Variants in KCNT2 observed in about 807,000 individuals in gnomAD.
KCNT2 encodes potassium sodium-activated channel subfamily T member 2.
In KCNT2, 67 loss-of-function variants were observed where a neutral mutation model predicts 153.8. The ratio of observed to expected loss-of-function variants is 0.44; its 90% CI spans 0.36 to 0.53. The LOEUF is 0.53. KCNT2 is among the 20% of genes least tolerant of loss of function. The pLI is 0.00. For synonymous variants in KCNT2, 500 were observed against 458.8 expected (o/e 1.09, Z -1.15); for missense variants, 975 against 1,354.8 (o/e 0.72, Z 4.40).
At chr1:196,236,798 C>T (rs1220826798) in intron 26 of KCNT2, among the ~76,000 whole-genome samples, 1 of 151,490 alleles carries the variant, frequency 6.6e-6, no homozygotes, top group Non-Finnish European at 1.5e-5. Context: ...CCCTGCATTA[C>T]ATAGGACATT....
chr1:196,328,097 T>C (rs1664065448), intron 18 of KCNT2, among the ~76,000 whole-genome samples: 1 of 152,084 alleles, frequency 6.6e-6, no homozygotes. Context: ...ATGAGCACAT[T>C]TAACATGTTT....
intron 4 of KCNT2, among the ~76,000 whole-genome samples, chr1:196,479,581 A>AT (rs1005383822): frequency 6.6e-6 from 1 of 152,036 alleles, no homozygotes; most frequent in Non-Finnish European, 1.5e-5. Flanking sequence ...TCGTTTTAAA[A>AT]TTTTTTTTAA....
At chr1:196,456,629 AG>A (rs201571687) in intron 8 of KCNT2, among the ~76,000 whole-genome samples, 596 of 152,036 alleles carry the variant, frequency 3.9e-3, no homozygotes, top group African/African-American at 0.014. Flanking sequence ...AGGGGAGTAA[AG>A]TAATAGATGC....
chr1:196,274,859 G>A (rs1369794005), intron 25 of KCNT2, among the ~76,000 whole-genome samples: 1 of 151,742 alleles, frequency 6.6e-6, no homozygotes, highest in Non-Finnish European at 1.5e-5. Context: ...CTGGAAAACT[G>A]GAGGCAAACA....
rs1653518942 is a variant in KCNT2, at chr1:196,226,747, G to A, written c.*1477C>T. The A allele has an allele frequency of 6.6e-6, 1 of 151,694 alleles. No homozygotes were observed. Among genetic ancestry groups the A allele is most frequent in the Non-Finnish European group, 1.5e-5 (1 of 67,796 alleles). 9.4% of individuals were successfully genotyped at this position (151,694 alleles called of 1,614,324 possible). On this transcript the variant is annotated 3_prime_UTR_variant, in exon 28 of 28. Coordinates refer to ENST00000294725, the MANE Select transcript of KCNT2 (RefSeq NM_198503.5). ...CTTTAAAAATTTTATTATCCTTTAA[G>A]TTGATCTGCTTCATTATGAAAAGAA...
intron 8 of KCNT2, among the ~76,000 whole-genome samples, chr1:196,460,028 A>G (rs543275528): frequency 6.6e-6 from 1 of 151,794 alleles, no homozygotes; most frequent in South Asian, 2.1e-4. Context: ...TTTCTTTCTA[A>G]CAGTTTCAGT....
chr1:196,545,283 A>G (rs1454819067), intron 1 of KCNT2, among the ~76,000 whole-genome samples: 1 of 152,130 alleles, frequency 6.6e-6, no homozygotes, highest in Non-Finnish European at 1.5e-5. Context: ...ACATAATTAT[A>G]AAATTAAAAA....
chr1:196,348,199 T>C (rs1666301351), intron 14 of KCNT2, among the ~76,000 whole-genome samples: 1 of 144,782 alleles, frequency 6.9e-6, no homozygotes, highest in Admixed American at 6.7e-5. Flanking sequence ...AAATGTGTCA[T>C]TAGAATTAAA....
At chr1:196,426,736 T>C (rs1319545567) in intron 10 of KCNT2, among the ~76,000 whole-genome samples, 2 of 151,790 alleles carry the variant, frequency 1.3e-5, no homozygotes, top group Non-Finnish European at 2.9e-5. Flanking sequence ...ATGGTTTGGA[T>C]TTGCGTCCCT....
chr1:196,543,490 GA>G (rs1435527468), intron 1 of KCNT2, among the ~76,000 whole-genome samples: 6 of 152,058 alleles, frequency 3.9e-5, no homozygotes, highest in African/African-American at 1.2e-4. Context: ...AGTAGATGTA[GA>G]GGAAAAGAAA....
chr1:196,563,227 T>G (rs937597677), intron 1 of KCNT2, among the ~76,000 whole-genome samples: 3 of 151,820 alleles, frequency 2.0e-5, no homozygotes, highest in African/African-American at 7.3e-5. Context: ...TTATTCTCTT[T>G]TAGGGGTTAG....
chr1:196,388,276 T>A (rs977285675), intron 13 of KCNT2, among the ~76,000 whole-genome samples: 1 of 151,834 alleles, frequency 6.6e-6, no homozygotes, highest in African/African-American at 2.4e-5. Context: ...TCTATCATTA[T>A]GATAATTTCA....
intron 13 of KCNT2, among the ~76,000 whole-genome samples, chr1:196,374,782 T>C (rs1293742380): frequency 6.6e-6 from 1 of 151,778 alleles, no homozygotes; most frequent in Non-Finnish European, 1.5e-5. Flanking sequence ...CCCGGAATGT[T>C]ATTACTGTAG....
At chr1:196,341,736 A>G (rs1038340569) in intron 15 of KCNT2, among the ~76,000 whole-genome samples, 2 of 152,170 alleles carry the variant, frequency 1.3e-5, no homozygotes, top group East Asian at 3.9e-4. Context: ...TTTTAGAAAT[A>G]TTAGTGTTAC....
At chr1:196,576,823 C>CA (rs1661434219) in intron 1 of KCNT2, among the ~76,000 whole-genome samples, 1 of 152,032 alleles carries the variant, frequency 6.6e-6, no homozygotes, top group South Asian at 2.1e-4. Context: ...ATTCATAGAA[C>CA]AATCAATCCA....
intron 18 of KCNT2, among the ~76,000 whole-genome samples, chr1:196,327,668 C>CTTTTTTTTTTTTTTT (rs773639795): frequency 4.7e-5 from 6 of 127,890 alleles, no homozygotes; most frequent in African/African-American, 9.8e-5. Context: ...ATATTCTGAT[C>CTTTTTTTTTTTTTTT]TTTTTTTTTT....
chr1:196,578,067 T>A (rs1253474098), intron 1 of KCNT2, among the ~76,000 whole-genome samples: 1 of 152,186 alleles, frequency 6.6e-6, no homozygotes, highest in Non-Finnish European at 1.5e-5. Flanking sequence ...TACTTAATGC[T>A]ATACTTTCTG....
intron 14 of KCNT2, among the ~76,000 whole-genome samples, chr1:196,347,629 A>G (rs1418807180): frequency 6.6e-6 from 1 of 152,184 alleles, no homozygotes; most frequent in Non-Finnish European, 1.5e-5. Flanking sequence ...TCCTTCTTCC[A>G]TCTGATAAAG....
chr1:196,369,668 T>C (rs971566281), intron 14 of KCNT2, among the ~76,000 whole-genome samples: 2 of 152,218 alleles, frequency 1.3e-5, no homozygotes, highest in East Asian at 1.9e-4. Context: ...TCCTTTTTTA[T>C]GGCTGCATAA....
Sources: allele counts gnomAD v4.1 joint callset (sites outside exome capture counted in the v4.1 genomes callset), GRCh38; gene constraint gnomAD v4.1.1; transcripts MANE v1.5; gene names NCBI Gene and HGNC (gene_info 2026-07-23, HGNC 2026-07-21).